Variants in LRRC74A observed in about 807,000 individuals in gnomAD.
LRRC74A encodes leucine-rich repeat-containing protein 74A.
In LRRC74A, 44 loss-of-function variants were observed where a neutral mutation model predicts 57.9. The ratio of observed to expected loss-of-function variants is 0.76; its 90% CI spans 0.60 to 0.98. The LOEUF (loss-of-function observed/expected upper bound fraction) is 0.98. Ranked by LOEUF, LRRC74A falls within the 50% of genes least tolerant of loss-of-function variation. LRRC74A has a pLI of 0.00. For synonymous variants in LRRC74A, 211 were observed against 219.4 expected (o/e 0.96, Z 0.34); for missense variants, 572 against 574.0 (o/e 1.00, Z 0.04).
At chr14:76,870,025 C>T in intron 13 of LRRC74A, 100 bp from the exon 14 acceptor site, 1 of 1,337,696 alleles carries the variant, frequency 7.5e-7, no homozygotes, top group Middle Eastern at 1.8e-4. Context: ...GATGGGTTTA[C>T]AAATGGTCTC....
rs865792714 is a variant in LRRC74A at position 76,867,235 on chromosome 14, T to G, written c.1309-121T>G. ...GTGTGTGTGTGTGTGGTAGTGTGTG[T>G]GGGGGTGTGTGTTGGGGGGGTGGGG... is the stretch of plus-strand genomic sequence containing the variant. On this transcript the variant is annotated intron_variant, in intron 12 of 13. Transcript: ENST00000689127. 2.8e-4 allele frequency: 94 copies of G among 332,880 alleles called. 1 individual carries two copies. The highest frequency in any genetic ancestry group is 1.1e-3 in the South Asian group (53 of 48,528). 20.6% of individuals were successfully genotyped at this position (332,880 alleles called of 1,614,324 possible).
At chr14:76,848,500 T>C (rs1897249566) in intron 7 of LRRC74A, among the ~76,000 whole-genome samples, 1 of 151,464 alleles carries the variant, frequency 6.6e-6, no homozygotes, top group Non-Finnish European at 1.5e-5. Flanking sequence ...GCCCAGGAGT[T>C]AGAGGTTATC....
chr14:76,867,453 C>T lies in LRRC74A; in HGVS notation c.1391+15C>T, dbSNP rs762746889. On this transcript the variant is annotated intron_variant, in intron 13 of 13. Transcript: ENST00000689127. The stretch of plus-strand genomic sequence containing the variant: ...GTGAACTTCAGGTCAGCCCAGGCCC[C>T]GCGACGATCCCCGTTCTCTGCAAGG... The T allele has an allele frequency of 1.2e-5, 17 of 1,475,050 alleles. No individual in the cohort carries two copies. Among genetic ancestry groups the T allele is most frequent in the South Asian group, 2.3e-5 (2 of 87,864 alleles). The allele number at this position is 1,475,050 out of a possible 1,614,324, so 91.4% of individuals were successfully genotyped here.
chr14:76,842,624 G>C (rs1896850358), intron 5 of LRRC74A, among the ~76,000 whole-genome samples: 1 of 152,038 alleles, frequency 6.6e-6, no homozygotes, highest in South Asian at 2.1e-4. Context: ...ACTGCTAACA[G>C]ACACAGCCAA....
In LRRC74A at chr14:76,866,022, C is replaced by A. The variant is rs1224511792; in HGVS notation, c.1255C>A (p.Pro419Thr). The A allele has an allele frequency of 6.2e-7, 1 of 1,603,810 alleles. No individual in the cohort carries two copies. Among genetic ancestry groups the A allele is most frequent in the Non-Finnish European group, 8.5e-7 (1 of 1,172,378 alleles). The change falls in exon 12 of 14, where the codon CCC becomes ACC. Residue 419 changes from proline to threonine, a missense_variant. Pro to Thr is a conservative substitution (Grantham distance 38). Transcript: ENST00000689127. ...TIVDFFKSLN[P>T]TGTMKMSVDE... ...CGTGGACTTCTTCAAGAGCTTGAAC[C>A]CCACTGGGACAATGAAGATGTCTGT...
intron 7 of LRRC74A, among the ~76,000 whole-genome samples, chr14:76,850,149 A>C (rs1897351355): frequency 6.6e-6 from 1 of 151,498 alleles, no homozygotes; most frequent in Non-Finnish European, 1.5e-5. Flanking sequence ...TGGAGCTTGC[A>C]GTGAGCGGAG....
At chr14:76,856,229 C>T (rs952887258) in intron 9 of LRRC74A, among the ~76,000 whole-genome samples, 3 of 152,172 alleles carry the variant, frequency 2.0e-5, no homozygotes, top group African/African-American at 7.2e-5. Context: ...GTTTTGCCCC[C>T]CTTCCTCAGA....
intron 3 of LRRC74A, among the ~76,000 whole-genome samples, chr14:76,831,819 A>G (rs1895997270): frequency 6.6e-6 from 1 of 152,196 alleles, no homozygotes; most frequent in Non-Finnish European, 1.5e-5. Context: ...TATATTTCAT[A>G]AAGACCACGG....
chr14:76,848,384 G>A (rs1897244151), intron 7 of LRRC74A, among the ~76,000 whole-genome samples: 1 of 150,576 alleles, frequency 6.6e-6, no homozygotes, highest in Non-Finnish European at 1.5e-5. Flanking sequence ...GGGTGACAGA[G>A]TGAGACTCCA....
intron 7 of LRRC74A, among the ~76,000 whole-genome samples, chr14:76,845,301 G>A (rs1474131312): frequency 4.0e-5 from 6 of 151,054 alleles, no homozygotes; most frequent in African/African-American, 1.5e-4. Context: ...TGCAGCCTGG[G>A]CAACAGAGAG....
In LRRC74A at chr14:76,826,729, C is replaced by A. The variant is rs72737548; in HGVS notation, c.32C>A (p.Thr11Lys). MDNDKPLQPE[T>K]EDEIEIEPVR... ...AATGACAAGCCTCTTCAGCCTGAGA[C>A]AGAAGGTGAAAGGGCATCCCATCTC... Residue 11 changes from threonine (T) to lysine (K), a missense_variant, in exon 1 of 14, where the codon ACA (threonine) becomes AAA (lysine). Thr to Lys is a moderately conservative substitution (Grantham distance 78). Coordinates refer to ENST00000689127, the MANE Select transcript of LRRC74A (RefSeq NM_001385106.1). 161,014 of 1,517,328 alleles carry A rather than the reference C, an allele frequency of 0.11. 9,331 individuals are homozygous for A. Among genetic ancestry groups the A allele is most frequent in the East Asian group, 0.25 (9,912 of 39,548 alleles). 94.0% of individuals were successfully genotyped at this position (1,517,328 alleles called of 1,614,324 possible).
intron 10 of LRRC74A, among the ~76,000 whole-genome samples, chr14:76,859,126 C>T (rs1428357763): frequency 1.3e-5 from 2 of 152,154 alleles, no homozygotes; most frequent in Non-Finnish European, 2.9e-5. Flanking sequence ...GCTGCCTTCA[C>T]CCCTGAGTCT....
rs1315532871 is a variant in LRRC74A, at chr14:76,860,617, G to GGGGTA, written c.1054-71_1054-67dup. 5.9e-6 allele frequency: 8 copies of GGGGTA among 1,356,276 alleles called. No individual in the cohort carries two copies. In the African/African-American group the frequency reaches 1.2e-4, roughly 20 times the overall value. 84.0% of individuals were successfully genotyped at this position (1,356,276 alleles called of 1,614,324 possible). ...CTTCCTGACTTTGGCTTGGGTGGAA[G>GGGGTA]GGGTAGGGTGCACTGGTTGGGCAGG... On this transcript the variant is annotated intron_variant, in intron 10 of 13. Coordinates refer to ENST00000689127, the MANE Select transcript of LRRC74A (RefSeq NM_001385106.1).
intron 9 of LRRC74A, 47 bp downstream of exon 9, chr14:76,853,457 G>GTGTGTGTGTGTGTA (rs1897665177): frequency 7.9e-7 from 1 of 1,272,558 alleles, no homozygotes; most frequent in African/African-American, 1.5e-5. Flanking sequence ...GTGTGTGTGT[G>GTGTGTGTGTGTGTA]TGTGTTTGTG....
chr14:76,828,149 A>T, intron 1 of LRRC74A, 142 bp from the exon 2 acceptor site: 1 of 1,087,314 alleles, frequency 9.2e-7, no homozygotes, highest in Non-Finnish European at 1.3e-6. Flanking sequence ...TGTAGAGTGG[A>T]CTTGCCCTGG....
chr14:76,867,918 T>C (rs1192888385), intron 13 of LRRC74A, among the ~76,000 whole-genome samples: 1 of 152,232 alleles, frequency 6.6e-6, no homozygotes, highest in African/African-American at 2.4e-5. Flanking sequence ...TGTTAGGGAC[T>C]ACAGGTCCCG....
chr14:76,827,277 G>A (rs1895642469), intron 1 of LRRC74A, among the ~76,000 whole-genome samples: 1 of 152,178 alleles, frequency 6.6e-6, no homozygotes, highest in Non-Finnish European at 1.5e-5. Flanking sequence ...CAGTCTGGGA[G>A]ATAAATGTTG....
chr14:76,828,577 GTCCTC>G, intron 2 of LRRC74A, 158 bp downstream of exon 2: 8 of 1,118,210 alleles, frequency 7.2e-6, no homozygotes, highest in African/African-American at 1.5e-5. Flanking sequence ...TTTGCCTGGA[GTCCTC>G]CTCCGGGCTG....
At position 76,828,334 on chromosome 14, in the gene LRRC74A, G is replaced by A; in HGVS notation, c.81G>A (p.Met27Ile). 1 of 1,612,746 alleles carries A rather than the reference G, an allele frequency of 6.2e-7. No homozygotes were observed. Among genetic ancestry groups the A allele is most frequent in the South Asian group, 1.1e-5 (1 of 91,078 alleles). ...CAGTACGACAGAGCAGCGATAAAAT[G>A]CTCTACTGTGAGGCCGAATCCCCGC... ...IEPVRQSSDKMLYCEAESPPT... is the reference protein window; with the variant it reads ...IEPVRQSSDKILYCEAESPPT... Residue 27 changes from methionine to isoleucine, a missense_variant, in exon 2 of 14, where the codon ATG (methionine) becomes ATA (isoleucine). Met to Ile is a conservative substitution (Grantham distance 10). Transcript: ENST00000689127.
Sources: allele counts gnomAD v4.1 joint callset (sites outside exome capture counted in the v4.1 genomes callset), GRCh38; gene constraint gnomAD v4.1.1; transcripts MANE v1.5; gene names NCBI Gene and HGNC (gene_info 2026-07-23, HGNC 2026-07-21).